Variants in RTF1 observed in about 807,000 individuals in gnomAD.
RTF1 encodes the protein RNA polymerase-associated protein RTF1 homolog.
Under a neutral mutation model 95.7 loss-of-function variants are expected in RTF1, and 10 were observed. That is an observed-to-expected ratio of 0.10 (90% CI 0.06 to 0.18). RTF1 has a LOEUF of 0.18. Among genes scored for constraint, RTF1 ranks in the 10% least tolerant of loss-of-function variants. The probability of loss-of-function intolerance (pLI) is 1.00; values close to 1 mark genes in which losing one functional copy is unlikely to be tolerated. For synonymous variants in RTF1, 305 were observed against 311.8 expected, an observed-to-expected ratio of 0.98 and a Z score of 0.23; for missense variants, 458 against 875.6, an observed-to-expected ratio of 0.52 and a Z score of 6.02.
intron 2 of RTF1, chr15:41,440,107 C>T (rs1248761588): frequency 2.0e-5 from 3 of 151,818 alleles, no homozygotes; most frequent in Admixed American, 1.3e-4. Context: ...ATTTAATTAG[C>T]AGCTGAATAG....
In RTF1 at chr15:41,480,780, C is replaced by A; in HGVS notation, c.*93C>A. ...TTGATTTAGCCTCTTTGGGCTGGAG[C>A]AGCTGTTGAACTGGGAAGAGACTCT... is the stretch of plus-strand genomic sequence containing the variant. On this transcript the variant is annotated 3_prime_UTR_variant, in exon 18 of 18. Coordinates refer to ENST00000389629, the MANE Select transcript of RTF1 (RefSeq NM_015138.5). 3.3e-6 allele frequency: 3 copies of A among 904,088 alleles called. No individual in the cohort carries two copies. Among genetic ancestry groups the A allele is most frequent in the Non-Finnish European group, 3.6e-6 (2 of 551,392 alleles). 56.0% of individuals were successfully genotyped at this position (904,088 alleles called of 1,614,324 possible). A position where few individuals can be genotyped will look rare whatever the true frequency, so the allele number is the denominator to read the frequency against.
intron 11 of RTF1, 100 bp downstream of exon 11, chr15:41,475,919 A>G: frequency 3.2e-6 from 2 of 633,652 alleles, no homozygotes; most frequent in East Asian, 2.7e-5. Context: ...ATTTTTAGCT[A>G]TGCATGAAAA....
At position 41,477,563 on chromosome 15, in the gene RTF1, C is replaced by T. The variant is rs755156992; in HGVS notation, c.1740+48C>T. The T allele has an allele frequency of 1.2e-5, 19 of 1,533,252 alleles. 1 individual carries two copies. In the Admixed American group the frequency reaches 3.2e-4, roughly 26 times the overall value. The allele number at this position is 1,533,252 out of a possible 1,614,324, so 95.0% of individuals were successfully genotyped here. A position where few individuals can be genotyped will look rare whatever the true frequency, so the allele number is the denominator to read the frequency against. ...ACTAAAACAAAGTTAATTAATAAAC[C>T]ATGACATCTTTTCTACATCTTGCCT... On this transcript the variant is annotated intron_variant, in intron 14 of 17. Transcript: ENST00000389629.
intron 4 of RTF1, among the ~76,000 whole-genome samples, chr15:41,463,359 G>T (rs1402311341): frequency 1.3e-5 from 2 of 152,138 alleles, no homozygotes; most frequent in Non-Finnish European, 2.9e-5. Context: ...ATTGCTGGCT[G>T]GTACGGTAAC....
intron 1 of RTF1, among the ~76,000 whole-genome samples, chr15:41,419,712 G>C (rs1443607108): frequency 6.6e-6 from 1 of 152,190 alleles, no homozygotes; most frequent in Non-Finnish European, 1.5e-5. Flanking sequence ...GTTTCCCACA[G>C]AATTCTGATG....
chr15:41,461,549 G>A lies in RTF1; in HGVS notation c.663-3222G>A, dbSNP rs1002858481. The stretch of plus-strand genomic sequence containing the variant: ...GCTCTGTCCCCCAGGCTGGAGTGCA[G>A]TGGCGCAACCTCGGCTGACTGCAAG... On this transcript the variant is annotated intron_variant, in intron 4 of 17. Coordinates refer to ENST00000389629, the MANE Select transcript of RTF1 (RefSeq NM_015138.5). Among the ~76,000 whole-genome samples the A allele has an allele frequency of 4.0e-5, 6 of 149,134 alleles. No individual in the cohort carries two copies. The South Asian group carries it at 1.3e-3, about 31-fold the overall frequency.
intron 4 of RTF1, among the ~76,000 whole-genome samples, chr15:41,458,254 A>T (rs1277172826): frequency 2.0e-5 from 3 of 152,142 alleles, no homozygotes; most frequent in Non-Finnish European, 2.9e-5. Context: ...CCTTTTCGCC[A>T]CTCTATTCTT....
At chr15:41,466,106 A>G (rs1485721502) in intron 5 of RTF1, 35 bp from the exon 6 acceptor site, 2 of 1,388,852 alleles carry the variant, frequency 1.4e-6, no homozygotes, top group Non-Finnish European at 1.9e-6. Context: ...AGCTGTTGGT[A>G]AAAAGGGCCA....
At chr15:41,464,672 C>G in intron 4 of RTF1, 99 bp from the exon 5 acceptor site, 1 of 1,024,130 alleles carries the variant, frequency 9.8e-7, no homozygotes, top group South Asian at 1.9e-5. Context: ...GCCAAAATAT[C>G]TATTAGCTCC....
intron 1 of RTF1, among the ~76,000 whole-genome samples, chr15:41,418,486 C>T (rs759858245): frequency 1.3e-5 from 2 of 152,082 alleles, no homozygotes; most frequent in Non-Finnish European, 2.9e-5. Flanking sequence ...TGAATGGCTT[C>T]TTGGGGGTCT....
chr15:41,470,689 C>T (rs1167742238), intron 7 of RTF1, among the ~76,000 whole-genome samples: 6 of 121,046 alleles, frequency 5.0e-5, no homozygotes, highest in South Asian at 2.9e-4. Flanking sequence ...GACGGAGTCT[C>T]GCTCTGTCGC....
At chr15:41,464,989 C>T in intron 5 of RTF1, 104 bp downstream of exon 5, 2 of 1,388,788 alleles carry the variant, frequency 1.4e-6, no homozygotes, top group Non-Finnish European at 1.9e-6. Context: ...TTATATTAAT[C>T]AGCCTAAGTT....
intron 2 of RTF1, among the ~76,000 whole-genome samples, chr15:41,446,676 A>T (rs1024008960): frequency 3.3e-5 from 5 of 152,198 alleles, no homozygotes. Flanking sequence ...CTACCCTGGT[A>T]GGTGGTCAAG....
chr15:41,454,657 A>C (rs1389758905), intron 3 of RTF1, among the ~76,000 whole-genome samples: 1 of 152,186 alleles, frequency 6.6e-6, no homozygotes, highest in African/African-American at 2.4e-5. Flanking sequence ...AATCCAAATT[A>C]AAATAATGGG....
chr15:41,426,799 G>A (rs1006930354), intron 1 of RTF1, among the ~76,000 whole-genome samples: 48 of 137,842 alleles, frequency 3.5e-4, no homozygotes, highest in African/African-American at 1.3e-3. Flanking sequence ...GTGTGTGTGT[G>A]TGTGTGTGTG....
At chr15:41,458,167 A>C (rs886957958) in intron 4 of RTF1, among the ~76,000 whole-genome samples, 1 of 152,224 alleles carries the variant, frequency 6.6e-6, no homozygotes, top group Non-Finnish European at 1.5e-5. Context: ...TGGTTATACC[A>C]TATTACAGAG....
chr15:41,475,449 A>G, intron 9 of RTF1, 76 bp from the exon 10 acceptor site: 1 of 1,113,050 alleles, frequency 9.0e-7, no homozygotes, highest in Admixed American at 1.7e-5. Flanking sequence ...GGTGGTACAT[A>G]GTCTGGTAAG....
chr15:41,466,873 T>C (rs556110294), intron 6 of RTF1, among the ~76,000 whole-genome samples: 1 of 152,332 alleles, frequency 6.6e-6, no homozygotes, highest in Admixed American at 6.5e-5. Context: ...CTCGTTTTTG[T>C]TGTTGAATGT....
rs1472086954 is a variant in RTF1, at chr15:41,453,084, C to T, written c.457+36C>T. On this transcript the variant is annotated intron_variant, in intron 3 of 17. Transcript: ENST00000389629. ...CAGCCTAGACCTGGAAGGTCAACTCCCACTCTTGTCAGCTTGAAGGTGCAA... is the reference window on the plus strand; with the variant it reads ...CAGCCTAGACCTGGAAGGTCAACTCTCACTCTTGTCAGCTTGAAGGTGCAA... 6.6e-6 allele frequency: 10 copies of T among 1,504,544 alleles called. No homozygotes were observed. In the South Asian group the frequency reaches 1.3e-4, roughly 19 times the overall value. 93.2% of individuals were successfully genotyped at this position (1,504,544 alleles called of 1,614,324 possible).
Sources: allele counts gnomAD v4.1 joint callset (sites outside exome capture counted in the v4.1 genomes callset), GRCh38; gene constraint gnomAD v4.1.1; transcripts MANE v1.5; gene names NCBI Gene and HGNC (gene_info 2026-07-23, HGNC 2026-07-21).